Variants in MTMR14 observed in about 807,000 individuals in gnomAD.
The protein encoded by MTMR14 is myotubularin related protein 14.
A neutral mutation model predicts 86.3 loss-of-function variants in MTMR14; 48 were observed. That is an observed-to-expected ratio of 0.56 (90% CI 0.44 to 0.71). The LOEUF (loss-of-function observed/expected upper bound fraction) is 0.71, where lower values mean the gene tolerates loss of function less well. Among genes scored for constraint, MTMR14 ranks in the 30% least tolerant of loss-of-function variants. MTMR14 has a pLI of 0.00. For missense variants in MTMR14, 780 were observed against 834.6 expected (o/e 0.93, Z 0.81); for synonymous variants, 366 against 326.1 (o/e 1.12, Z -1.32).
chr3:9,649,574 G>A lies in MTMR14; in HGVS notation c.-10G>A, dbSNP rs1184106949. 3 of 1,541,524 alleles carry A rather than the reference G, an allele frequency of 1.9e-6. No homozygotes were observed. The highest frequency in any genetic ancestry group is 2.6e-6 in the Non-Finnish European group (3 of 1,143,732). On this transcript the variant is annotated 5_prime_UTR_variant, in exon 1 of 19. Coordinates refer to ENST00000296003, the MANE Select transcript of MTMR14 (RefSeq NM_001077525.3). ...GCTTGAGGCACACTGAGGGGACGCGGGGCTGGGCCATGGCCGGCGCTCGGG... is the reference window on the plus strand; with the variant it reads ...GCTTGAGGCACACTGAGGGGACGCGAGGCTGGGCCATGGCCGGCGCTCGGG...
intron 2 of MTMR14, among the ~76,000 whole-genome samples, chr3:9,657,060 A>G (rs954303486): frequency 6.6e-6 from 1 of 152,090 alleles, no homozygotes; most frequent in Non-Finnish European, 1.5e-5. Context: ...ATATGGGCAC[A>G]TACCACCACT....
intron 17 of MTMR14, among the ~76,000 whole-genome samples, chr3:9,693,975 G>C (rs1418428881): frequency 6.6e-6 from 1 of 152,214 alleles, no homozygotes; most frequent in African/African-American, 2.4e-5. Context: ...TGTTAGCTTT[G>C]TTCTCTGGCC....
intron 9 of MTMR14, 119 bp from the exon 10 acceptor site, chr3:9,683,059 C>G (rs1488110997): frequency 1.2e-6 from 1 of 840,820 alleles, no homozygotes; most frequent in Non-Finnish European, 1.9e-6. Flanking sequence ...AACCTATGGT[C>G]TGTAACCAAG....
At chr3:9,689,118 C>T (rs1236124396) in intron 16 of MTMR14, 36 bp downstream of exon 16, 9 of 1,603,374 alleles carry the variant, frequency 5.6e-6, no homozygotes, top group Non-Finnish European at 7.6e-6. Context: ...TCACTCACAG[C>T]TGTGGCCCGG....
chr3:9,668,907 A>G (rs1007410186), intron 4 of MTMR14, 113 bp downstream of exon 4: 3 of 1,064,162 alleles, frequency 2.8e-6, no homozygotes, highest in African/African-American at 3.1e-5. Flanking sequence ...TGGGAGGCCA[A>G]GGCGAGCGGA....
Position 9,683,229 on chromosome 3 carries a change from T to C in MTMR14, c.949T>C (p.Leu317=). 6.2e-7 allele frequency: 1 copy of C among 1,614,200 alleles called. No homozygotes were observed. The highest frequency in any genetic ancestry group is 8.5e-7 in the Non-Finnish European group (1 of 1,180,016). Residue 317 remains leucine, a synonymous_variant, in exon 10 of 19, where the codon TTA becomes CTA. Coordinates refer to ENST00000296003, the MANE Select transcript of MTMR14 (RefSeq NM_001077525.3). Reference sequence around the variant, plus strand: ...AAACTACCTGAAGCTGCTGCTTTCCTTAGTTAACAGTGATGGTGAGTCTGT... The same window carrying C: ...AAACTACCTGAAGCTGCTGCTTTCCCTAGTTAACAGTGATGGTGAGTCTGT... ...TQNYLKLLLS[L]VNSDDDSGLL...
chr3:9,661,981 G>A (rs888425769), intron 2 of MTMR14, among the ~76,000 whole-genome samples: 19 of 151,778 alleles, frequency 1.3e-4, no homozygotes, highest in East Asian at 1.9e-4. Context: ...CAGCATACTC[G>A]GGAGGCTGAG....
chr3:9,688,882 A>G, intron 15 of MTMR14, 62 bp from the exon 16 acceptor site: 1 of 1,613,160 alleles, frequency 6.2e-7, no homozygotes, highest in African/African-American at 1.3e-5. Flanking sequence ...TGGTATAGAA[A>G]AGGTGGGGGA....
At chr3:9,669,884 C>G (rs1399451064) in intron 5 of MTMR14, among the ~76,000 whole-genome samples, 1 of 152,176 alleles carries the variant, frequency 6.6e-6, no homozygotes, top group Admixed American at 6.5e-5. Context: ...TACTGAGGCA[C>G]AGGGCAAGGG....
intron 7 of MTMR14, among the ~76,000 whole-genome samples, chr3:9,676,312 C>T (rs545702473): frequency 6.6e-6 from 1 of 152,344 alleles, no homozygotes; most frequent in Non-Finnish European, 1.5e-5. Flanking sequence ...CCAGGAGCTC[C>T]TTGGAGGACC....
chr3:9,668,841 T>C (rs376793800), intron 4 of MTMR14, 47 bp downstream of exon 4: 60 of 1,595,910 alleles, frequency 3.8e-5, no homozygotes, highest in East Asian at 3.6e-4. Context: ...AACCCAGTCA[T>C]AGAGAATAGC....
chr3:9,673,362 G>A (rs2125151902), intron 7 of MTMR14, among the ~76,000 whole-genome samples: 1 of 152,336 alleles, frequency 6.6e-6, no homozygotes, highest in Middle Eastern at 3.4e-3. Flanking sequence ...ACATAAAAGT[G>A]TGTGCAACCT....
rs893011815 is a variant in MTMR14, at chr3:9,673,957, A to G, written c.751+1199A>G. Among the ~76,000 whole-genome samples, 5 of 152,038 alleles carry G rather than the reference A, an allele frequency of 3.3e-5. No individual in the cohort carries two copies. The South Asian group carries it at 8.3e-4, about 25-fold the overall frequency. On this transcript the variant is annotated intron_variant, in intron 7 of 18. Transcript: ENST00000296003. ...GGTGATGATGTTGATGATGGTGATGATGATGATGATGATAATGATGCTGGA... is the reference window on the plus strand; with the variant it reads ...GGTGATGATGTTGATGATGGTGATGGTGATGATGATGATAATGATGCTGGA...
At position 9,684,570 on chromosome 3, in the gene MTMR14, G is replaced by A; in HGVS notation, c.965-15G>A. On this transcript the variant is annotated splice_polypyrimidine_tract_variant and intron_variant, in intron 10 of 18. Coordinates refer to ENST00000296003, the MANE Select transcript of MTMR14 (RefSeq NM_001077525.3). Reference sequence around the variant, plus strand: ...GGTTCTCTCCTGGGCATCCTCTCCTGCGGTTCCTGAGTAGATGACAGCGGG... The same window carrying A: ...GGTTCTCTCCTGGGCATCCTCTCCTACGGTTCCTGAGTAGATGACAGCGGG... 6.2e-7 allele frequency: 1 copy of A among 1,613,964 alleles called. No individual in the cohort carries two copies. The highest frequency in any genetic ancestry group is 8.5e-7 in the Non-Finnish European group (1 of 1,179,886).
At chr3:9,659,915 C>G in intron 2 of MTMR14, 2 of 444,084 alleles carry the variant, frequency 4.5e-6, no homozygotes, top group Admixed American at 2.4e-5. Flanking sequence ...CCTGAGAAAT[C>G]CACCTTGGTT....
Position 9,687,805 on chromosome 3 carries a change from C to G in MTMR14, c.1165-16C>G. Reference sequence around the variant, plus strand: ...TTGGTTCTTCTCATTGTGCGCTGCTCTTTGGTCTCCTTTAGATTTTCTTCT... The same window carrying G: ...TTGGTTCTTCTCATTGTGCGCTGCTGTTTGGTCTCCTTTAGATTTTCTTCT... On this transcript the variant is annotated splice_polypyrimidine_tract_variant and intron_variant, in intron 13 of 18. Transcript: ENST00000296003. 1 of 1,564,140 alleles carries G rather than the reference C, an allele frequency of 6.4e-7. No individual in the cohort carries two copies. Among genetic ancestry groups the G allele is most frequent in the Admixed American group, 1.9e-5 (1 of 52,664 alleles).
rs1199091780 is a variant in MTMR14, at chr3:9,684,810, T to C, written c.1051-78T>C. 3.2e-6 allele frequency: 5 copies of C among 1,565,922 alleles called. No homozygotes were observed. In the East Asian group the frequency reaches 6.7e-5, roughly 21 times the overall value. ...CCTTCCGGGTGTTCTTCAGCCTGCG[T>C]TGTCACTGGGTCTGGTTATGGTTCA... On this transcript the variant is annotated intron_variant, in intron 11 of 18. Coordinates refer to ENST00000296003, the MANE Select transcript of MTMR14 (RefSeq NM_001077525.3).
intron 1 of MTMR14, among the ~76,000 whole-genome samples, chr3:9,652,784 G>T (rs1057184049): frequency 7.9e-5 from 12 of 151,828 alleles, no homozygotes; most frequent in South Asian, 2.1e-4. Context: ...GAGATCAGGA[G>T]TTCAAGACCA....
intron 17 of MTMR14, among the ~76,000 whole-genome samples, chr3:9,693,647 TAGAG>T (rs1163586500): frequency 2.0e-5 from 3 of 152,056 alleles, no homozygotes; most frequent in East Asian, 3.9e-4. Context: ...GAGGAAAAAA[TAGAG>T]GGAGGGGCTG....
Sources: allele counts gnomAD v4.1 joint callset (sites outside exome capture counted in the v4.1 genomes callset), GRCh38; gene constraint gnomAD v4.1.1; transcripts MANE v1.5; gene names NCBI Gene and HGNC (gene_info 2026-07-23, HGNC 2026-07-21).